The following OR2V1 variants were observed in gnomAD, a reference collection of about 807,000 sequenced individuals.
OR2V1 encodes olfactory receptor family 2 subfamily V member 1.
In OR2V1, 18 loss-of-function variants were observed where a neutral mutation model predicts 15.0. That is an observed-to-expected ratio of 1.20 (90% CI 0.83 to 1.78). The LOEUF is 1.78. OR2V1 is among the 40% of genes most tolerant of loss of function. The probability of loss-of-function intolerance (pLI) is 0.00; values close to 1 mark genes in which losing one functional copy is unlikely to be tolerated. For synonymous variants in OR2V1, 144 were observed against 146.1 expected, an observed-to-expected ratio of 0.99 and a Z score of 0.10; for missense variants, 359 against 392.9, an observed-to-expected ratio of 0.91 and a Z score of 0.73.
At chr5:181,128,336 T>C (rs1170649005) in intron 3 of OR2V1, among the ~76,000 whole-genome samples, 1 of 152,128 alleles carries the variant, frequency 6.6e-6, no homozygotes, top group Non-Finnish European at 1.5e-5. Context: ...CCCTGGAGGA[T>C]GGCAACGGCC....
chr5:181,127,443 T>C (rs1223548230), intron 3 of OR2V1, among the ~76,000 whole-genome samples: 1 of 152,208 alleles, frequency 6.6e-6, no homozygotes, highest in East Asian at 1.9e-4. Flanking sequence ...GCTCCACACA[T>C]GGGCGGCTGT....
chr5:181,125,164 G>C lies in OR2V1; in HGVS notation c.141C>G (p.Ile47Met), dbSNP rs2113326072. ...GTCCAGCGTCCAGGTAGATGAGGAAGATGAGGAGGACATTCCCACAGAGGG... is the reference window on the plus strand; with the variant it reads ...GTCCAGCGTCCAGGTAGATGAGGAACATGAGGAGGACATTCCCACAGAGGG... ...TVALCGNVLL[I>M]FLIYLDAGLH... is the part of the protein sequence containing the mutation. Residue 47 changes from isoleucine to methionine, a missense_variant, in exon 4 of 4, where the codon ATC becomes ATG. Coordinates refer to ENST00000641551, the MANE Select transcript of OR2V1 (RefSeq NM_001258283.2). 1 of 1,614,158 alleles carries C rather than the reference G, an allele frequency of 6.2e-7. No individual in the cohort carries two copies. The highest frequency in any genetic ancestry group is 2.2e-5 in the East Asian group (1 of 44,874).
intron 3 of OR2V1, among the ~76,000 whole-genome samples, chr5:181,127,857 C>T (rs571914863): frequency 1.4e-4 from 22 of 151,980 alleles, no homozygotes; most frequent in Admixed American, 5.9e-4. Context: ...GCCCTACCAC[C>T]GTGTCCAGAG....
Position 181,123,466 on chromosome 5 carries a change from A to G in OR2V1, c.*891T>C. 6.2e-6 allele frequency: 1 copy of G among 160,600 alleles called. No homozygotes were observed. 9.9% of individuals were successfully genotyped at this position (160,600 alleles called of 1,614,324 possible). Reference sequence around the variant, plus strand: ...AAGGCGGGGACAGCTCGAAGCAGGGAGGGGGCTTCCAGGTCACAGGTAGGT... The same window carrying G: ...AAGGCGGGGACAGCTCGAAGCAGGGGGGGGGCTTCCAGGTCACAGGTAGGT... On this transcript the variant is annotated 3_prime_UTR_variant, in exon 4 of 4. Transcript: ENST00000641551.
chr5:181,128,833 C>T (rs745360342), intron 3 of OR2V1, among the ~76,000 whole-genome samples: 36 of 152,176 alleles, frequency 2.4e-4, no homozygotes, highest in Non-Finnish European at 8.8e-5. Flanking sequence ...AACTAGAACC[C>T]GTGTTCCCCG....
intron 1 of OR2V1, among the ~76,000 whole-genome samples, chr5:181,130,821 GCC>G (rs202050581): frequency 6.6e-6 from 1 of 152,160 alleles, no homozygotes; most frequent in Admixed American, 6.5e-5. Context: ...GCCCTACATT[GCC>G]CCCCCACACA....
At chr5:181,130,861 G>T (rs1163240603) in intron 1 of OR2V1, among the ~76,000 whole-genome samples, 189 bp downstream of exon 1, 1 of 152,150 alleles carries the variant, frequency 6.6e-6, no homozygotes, top group Non-Finnish European at 1.5e-5. Context: ...GCGACCTCCA[G>T]GGCCCTCATG....
chr5:181,124,873 C>T lies in OR2V1; in HGVS notation c.432G>A (p.Gln144=), dbSNP rs753413978. ...CAAAGGCCCAGGAGCTCCCAGTAAT[C>T]TGGAGACAGACCCTCTGATTCATGA... ...PILMNQRVCL[Q]ITGSSWAFGI... The change falls in exon 4 of 4, where the codon CAG becomes CAA. Residue 144 remains glutamine (Q), a synonymous_variant. Coordinates refer to ENST00000641551, the MANE Select transcript of OR2V1 (RefSeq NM_001258283.2). The T allele has an allele frequency of 2.5e-5, 40 of 1,610,690 alleles. No homozygotes were observed. Among genetic ancestry groups the T allele is most frequent in the Non-Finnish European group, 3.3e-5 (39 of 1,178,256 alleles).
At chr5:181,129,366 T>G (rs1275109823) in intron 3 of OR2V1, among the ~76,000 whole-genome samples, 154 bp downstream of exon 3, 1 of 152,122 alleles carries the variant, frequency 6.6e-6, no homozygotes, top group African/African-American at 2.4e-5. Flanking sequence ...ACCACTGCAC[T>G]CCAGCCTGAA....
At chr5:181,128,183 GTCCTC>G (rs1762904685) in intron 3 of OR2V1, among the ~76,000 whole-genome samples, 1 of 127,954 alleles carries the variant, frequency 7.8e-6, no homozygotes, top group Non-Finnish European at 1.6e-5. Flanking sequence ...CTGGACTCCT[GTCCTC>G]TCCTCACACA....
chr5:181,127,425 G>A (rs536064466), intron 3 of OR2V1, among the ~76,000 whole-genome samples: 3 of 152,286 alleles, frequency 2.0e-5, no homozygotes, highest in East Asian at 1.9e-4. Flanking sequence ...TTACAAAGAC[G>A]AGGACCTGCT....
intron 3 of OR2V1, among the ~76,000 whole-genome samples, chr5:181,125,992 A>G (rs534221943): frequency 2.0e-5 from 3 of 152,352 alleles, no homozygotes; most frequent in East Asian, 3.9e-4. Flanking sequence ...TTTCAATTAA[A>G]AAAAGAAAAA....
Position 181,123,713 on chromosome 5 carries a change from C to T in OR2V1, c.*644G>A, listed in dbSNP as rs1340202953. On this transcript the variant is annotated 3_prime_UTR_variant, in exon 4 of 4. Transcript: ENST00000641551. Reference sequence around the variant, plus strand: ...ACACACAAAAAAACAAGATATTCCCCCCACGAGGATAACTACTAAACTGCA... The same window carrying T: ...ACACACAAAAAAACAAGATATTCCCTCCACGAGGATAACTACTAAACTGCA... 2 of 152,142 alleles carry T rather than the reference C, an allele frequency of 1.3e-5. No individual in the cohort carries two copies. Among genetic ancestry groups the T allele is most frequent in the Non-Finnish European group, 2.9e-5 (2 of 68,042 alleles). 9.4% of individuals were successfully genotyped at this position (152,142 alleles called of 1,614,324 possible).
At chr5:181,127,937 A>G (rs924167297) in intron 3 of OR2V1, among the ~76,000 whole-genome samples, 3 of 151,298 alleles carry the variant, frequency 2.0e-5, no homozygotes, top group African/African-American at 7.3e-5. Context: ...TTAAACTACA[A>G]TACTGCATGG....
At chr5:181,126,753 G>A (rs1475055475) in intron 3 of OR2V1, among the ~76,000 whole-genome samples, 1 of 151,726 alleles carries the variant, frequency 6.6e-6, no homozygotes, top group African/African-American at 2.4e-5. Flanking sequence ...CACACACAGA[G>A]TCATACACAA....
At chr5:181,127,024 T>A (rs922863571) in intron 3 of OR2V1, among the ~76,000 whole-genome samples, 1 of 152,218 alleles carries the variant, frequency 6.6e-6, no homozygotes. Context: ...CAGAGAGGTG[T>A]TCCGTGGAAG....
In OR2V1 at chr5:181,124,420, A is replaced by C; in HGVS notation, c.885T>G (p.Asn295Lys). ...TCCTCAGTGCCCCCATCACCTCCCCATTCCTCAAGCTGTAAATGAGGGGGT... is the reference window on the plus strand; with the variant it reads ...TCCTCAGTGCCCCCATCACCTCCCCCTTCCTCAAGCTGTAAATGAGGGGGT... ...MLNPLIYSLR[N>K]GEVMGALRKG... is the part of the protein sequence containing the mutation. Residue 295 changes from asparagine (N) to lysine (K), a missense_variant, in exon 4 of 4, where the codon AAT becomes AAG. By Grantham distance (94) the Asn-to-Lys change is moderately conservative (BLOSUM62 0). Transcript: ENST00000641551. 6.2e-7 allele frequency: 1 copy of C among 1,612,586 alleles called. No homozygotes were observed. The highest frequency in any genetic ancestry group is 2.2e-5 in the East Asian group (1 of 44,876).
chr5:181,127,692 T>A (rs564032802), intron 3 of OR2V1, among the ~76,000 whole-genome samples: 2 of 152,146 alleles, frequency 1.3e-5, no homozygotes, highest in African/African-American at 4.8e-5. Flanking sequence ...TCCTTGCCAC[T>A]GATGACCCCT....
chr5:181,125,997 G>GA (rs1011654190), intron 3 of OR2V1, among the ~76,000 whole-genome samples: 9 of 151,558 alleles, frequency 5.9e-5, no homozygotes, highest in African/African-American at 1.9e-4. Flanking sequence ...ATTAAAAAAA[G>GA]AAAAAAAAGG....
Sources: gnomAD v4.1 joint callset for allele counts (sites outside exome capture counted in the v4.1 genomes callset) on GRCh38, gnomAD v4.1.1 for gene constraint, MANE v1.5 for transcripts, NCBI Gene and HGNC (gene_info 2026-07-23, HGNC 2026-07-21) for gene names.